Variants in TCHHL1 observed in about 807,000 individuals in gnomAD.
TCHHL1 encodes the protein trichohyalin like 1, also known as trichohyalin-like protein 1.
In TCHHL1, 1 loss-of-function variant was observed where a neutral mutation model predicts 3.5. That is an observed-to-expected ratio of 0.29 (90% CI 0.10 to 1.36). The LOEUF is 1.36. Ranked by LOEUF, TCHHL1 falls within the 40% of genes most tolerant of loss-of-function variation. TCHHL1 has a pLI of 0.43. For synonymous variants in TCHHL1, 405 were observed against 375.3 expected, an observed-to-expected ratio of 1.08 and a Z score of -0.92; for missense variants, 1,027 against 1,032.8, an observed-to-expected ratio of 0.99 and a Z score of 0.08.
chr1:152,086,126 G>A lies in TCHHL1; in HGVS notation c.1556C>T (p.Thr519Ile). The change falls in exon 3 of 3, where the codon ACT (threonine) becomes ATT (isoleucine). Residue 519 changes from threonine to isoleucine, a missense_variant. By Grantham distance (89) the Thr-to-Ile change is moderately conservative. This residue lies in a region of TCHHL1 where 673 missense variants were observed against 658.6 expected (regional missense o/e 1.02). Transcript: ENST00000368806. ...SVGENTRVTK[T>I]HDQPVEEEDG... ...CTCCTCCTCAACTGGTTGGTCATGA[G>A]TCTTGGTGACCCTAGTATTTTCTCC... 3 of 1,614,220 alleles carry A rather than the reference G, an allele frequency of 1.9e-6. No individual in the cohort carries two copies. Among genetic ancestry groups the A allele is most frequent in the Non-Finnish European group, 2.5e-6 (3 of 1,180,042 alleles).
chr1:152,087,156 T>C lies in TCHHL1; in HGVS notation c.526A>G (p.Asn176Asp), dbSNP rs772308781. Reference protein sequence around the residue: ...HNFPGEASEHNDPKNKHLEGD... With the variant: ...HNFPGEASEHDDPKNKHLEGD... ...TCCAGGTGTTTGTTCTTAGGATCAT[T>C]GTGTTCAGATGCTTCTCCTGGAAAG... Residue 176 changes from asparagine (N) to aspartate (D), a missense_variant, in exon 3 of 3, where the codon AAT (asparagine) becomes GAT (aspartate). This residue lies in a region of TCHHL1 where 338 missense variants were observed against 335.9 expected (regional missense o/e 1.01). Transcript: ENST00000368806. The C allele has an allele frequency of 6.2e-6, 10 of 1,614,226 alleles. No homozygotes were observed. The highest frequency in any genetic ancestry group is 8.5e-6 in the Non-Finnish European group (10 of 1,180,034).
rs558301352 is a variant in TCHHL1 at position 152,087,357 on chromosome 1, C to A, written c.325G>T (p.Asp109Tyr). 7 of 1,613,662 alleles carry A rather than the reference C, an allele frequency of 4.3e-6. No individual in the cohort carries two copies. Among genetic ancestry groups the A allele is most frequent in the African/African-American group, 2.7e-5 (2 of 74,904 alleles). The change falls in exon 3 of 3, where the codon GAT becomes TAT. Residue 109 changes from aspartate (D) to tyrosine (Y), a missense_variant. By Grantham distance (160) the Asp-to-Tyr change is radical. Coordinates refer to ENST00000368806, the MANE Select transcript of TCHHL1 (RefSeq NM_001008536.2). ...VTKPEKEKLD[D>Y]VDVQATTGDG... ...CCGGTGGTTGCCTGAACATCCACAT[C>A]ATCTAGCTTCTCCTTCTCTGGTTTA...
chr1:152,086,297 G>A lies in TCHHL1; in HGVS notation c.1385C>T (p.Thr462Ile). 1 of 1,614,194 alleles carries A rather than the reference G, an allele frequency of 6.2e-7. No homozygotes were observed. Among genetic ancestry groups the A allele is most frequent in the Middle Eastern group, 1.6e-4 (1 of 6,062 alleles). Residue 462 changes from threonine to isoleucine, a missense_variant, in exon 3 of 3, where the codon ACA becomes ATA. By Grantham distance (89) the Thr-to-Ile change is moderately conservative. Coordinates refer to ENST00000368806, the MANE Select transcript of TCHHL1 (RefSeq NM_001008536.2). The part of the protein sequence containing the change: ...GDQTHPELEG[T>I]AVSGEEAEHT... The stretch of plus-strand genomic sequence containing the variant: ...TTCTGCCTCTTCTCCTGAGACTGCT[G>A]TTCCTTCAAGTTCAGGGTGAGTCTG...
At position 152,088,072 on chromosome 1, in the gene TCHHL1, G is replaced by GT. The variant is rs1557802500; in HGVS notation, c.71dup (p.Asn24LysfsTer40). Reference sequence around the variant, plus strand: ...GCTCTCTGCCAGTCAGTGTTGCCCCGTTACTGTCCTCACTGGCATATTTGT... The same window carrying GT: ...GCTCTCTGCCAGTCAGTGTTGCCCCGTTTACTGTCCTCACTGGCATATTTGT... On this transcript the variant is annotated frameshift_variant, in exon 2 of 3. Transcript: ENST00000368806. LOFTEE classifies it high-confidence loss of function. 1.2e-6 allele frequency: 2 copies of GT among 1,611,404 alleles called. No individual in the cohort carries two copies. Among genetic ancestry groups the GT allele is most frequent in the African/African-American group, 2.7e-5 (2 of 74,920 alleles).
In TCHHL1 at chr1:152,084,888, A is replaced by C; in HGVS notation, c.*79T>G. The C allele has an allele frequency of 7.1e-7, 1 of 1,402,596 alleles. No homozygotes were observed. Among genetic ancestry groups the C allele is most frequent in the Non-Finnish European group, 9.7e-7 (1 of 1,030,148 alleles). The allele number at this position is 1,402,596 out of a possible 1,614,324, so 86.9% of individuals were successfully genotyped here. The stretch of plus-strand genomic sequence containing the variant: ...TAGGAAGAGAATTTAAAAGATTGTT[A>C]ATCTGCATCTGAATGTGTACACGTG... On this transcript the variant is annotated 3_prime_UTR_variant, in exon 3 of 3. Coordinates refer to ENST00000368806, the MANE Select transcript of TCHHL1 (RefSeq NM_001008536.2).
In TCHHL1 at chr1:152,085,014, T is replaced by C; in HGVS notation, c.2668A>G (p.Arg890Gly). ...ALEDKQGHPQ[R>G]ERLVLQREAS... ...TCCCTTTGTAGTACCAGCCTCTCTC[T>C]CTGAGGGTGACCTTGCTTATCTTCC... Residue 890 changes from arginine (R) to glycine (G), a missense_variant, in exon 3 of 3, where the codon AGA (arginine) becomes GGA (glycine). By Grantham distance (125) the Arg-to-Gly change is moderately radical (BLOSUM62 -2). Coordinates refer to ENST00000368806, the MANE Select transcript of TCHHL1 (RefSeq NM_001008536.2). 2 of 1,614,106 alleles carry C rather than the reference T, an allele frequency of 1.2e-6. No homozygotes were observed. Among genetic ancestry groups the C allele is most frequent in the Non-Finnish European group, 1.7e-6 (2 of 1,180,008 alleles).
chr1:152,087,287 C>G lies in TCHHL1; in HGVS notation c.395G>C (p.Arg132Thr). ...TGATGCCATTCCTGAAGGAAGCATC[C>G]TCTTTTCTTGAGTTGGTGAAGTTCC... ...TVGTSPTQEK[R>T]MLPSGMASSS... The change falls in exon 3 of 3, where the codon AGG becomes ACG. Residue 132 changes from arginine to threonine, a missense_variant. This residue lies in a region of TCHHL1 where 338 missense variants were observed against 335.9 expected (regional missense o/e 1.01). Transcript: ENST00000368806. The G allele has an allele frequency of 6.2e-7, 1 of 1,614,058 alleles. No individual in the cohort carries two copies. The highest frequency in any genetic ancestry group is 1.3e-5 in the African/African-American group (1 of 75,002).
In TCHHL1 at chr1:152,085,748, G is replaced by T. The variant is rs199816622; in HGVS notation, c.1934C>A (p.Ala645Glu). 2 of 1,614,074 alleles carry T rather than the reference G, an allele frequency of 1.2e-6. No individual in the cohort carries two copies. Among genetic ancestry groups the T allele is most frequent in the East Asian group, 2.2e-5 (1 of 44,892 alleles). The change falls in exon 3 of 3, where the codon GCA becomes GAA. Residue 645 changes from alanine to glutamate, a missense_variant. Transcript: ENST00000368806. ...NQGPGTKGPG[A>E]AVEPNGHPEA... ...TGGGTGTCCATTGGGCTCCACAGCT[G>T]CACCTGGGCCTTTGGTCCCTGGGCC...
At position 152,087,423 on chromosome 1, in the gene TCHHL1, C is replaced by A. The variant is rs1359090917; in HGVS notation, c.259G>T (p.Asp87Tyr). ...IFNLLNLCYLDIKSLLSSELR... is the reference protein window; with the variant it reads ...IFNLLNLCYLYIKSLLSSELR... ...TCAGAACTTAGTAATGATTTTATGT[C>A]AAGATAACAGAGGTTCAACAAGTTG... The change falls in exon 3 of 3, where the codon GAC becomes TAC. Residue 87 changes from aspartate to tyrosine, a missense_variant. Transcript: ENST00000368806. 1 of 1,611,188 alleles carries A rather than the reference C, an allele frequency of 6.2e-7. No homozygotes were observed. Among genetic ancestry groups the A allele is most frequent in the Non-Finnish European group, 8.5e-7 (1 of 1,179,986 alleles).
In TCHHL1 at chr1:152,085,828, A is replaced by C. The variant is rs888955730; in HGVS notation, c.1854T>G (p.Asp618Glu). Reference protein sequence around the residue: ...EAVVPAVRGEDVQLTEDQEQP... With the variant: ...EAVVPAVRGEEVQLTEDQEQP... The stretch of plus-strand genomic sequence containing the variant: ...GTTCCTGGTCCTCTGTGAGCTGTAC[A>C]TCCTCTCCTCTGACTGCTGGTACCA... The change falls in exon 3 of 3, where the codon GAT becomes GAG. Residue 618 changes from aspartate (D) to glutamate (E), a missense_variant. Asp to Glu is a conservative substitution (Grantham distance 45). Transcript: ENST00000368806. 6.2e-7 allele frequency: 1 copy of C among 1,613,912 alleles called. No individual in the cohort carries two copies. Among genetic ancestry groups the C allele is most frequent in the African/African-American group, 1.3e-5 (1 of 74,848 alleles).
At position 152,085,646 on chromosome 1, in the gene TCHHL1, T is replaced by A. The variant is rs747705881; in HGVS notation, c.2036A>T (p.Asp679Val). Residue 679 changes from aspartate (D) to valine (V), a missense_variant, in exon 3 of 3, where the codon GAC (aspartate) becomes GTC (valine). By Grantham distance (152) the Asp-to-Val change is radical. Transcript: ENST00000368806. ...EIEITGALDE[D>V]FTDQLSLMQL... is the part of the protein sequence containing the mutation. ...CATTAGGGAAAGCTGGTCAGTGAAG[T>A]CTTCATCCAGGGCACCTGTGATCTC... The A allele has an allele frequency of 1.2e-6, 2 of 1,614,168 alleles. No individual in the cohort carries two copies. Among genetic ancestry groups the A allele is most frequent in the Non-Finnish European group, 8.5e-7 (1 of 1,180,036 alleles).
intron 1 of TCHHL1, 25 bp downstream of exon 1, chr1:152,088,995 A>G (rs1469546253): frequency 6.6e-6 from 1 of 152,142 alleles, no homozygotes; most frequent in Non-Finnish European, 1.5e-5. Flanking sequence ...TGAAATCCCA[A>G]GTATGCTCAA....
rs1195160117 is a variant in TCHHL1, at chr1:152,086,639, T to G, written c.1043A>C (p.Lys348Thr). ...KDADQTPAKT[K>T]NLGEPEDYGR... ...ATAATCCTCAGGTTCACCCAAATTC[T>G]TTGTTTTAGCTGGTGTCTGGTCAGC... Residue 348 changes from lysine to threonine, a missense_variant, in exon 3 of 3, where the codon AAG (lysine) becomes ACG (threonine). Transcript: ENST00000368806. The G allele has an allele frequency of 6.2e-7, 1 of 1,614,202 alleles. No individual in the cohort carries two copies. Among genetic ancestry groups the G allele is most frequent in the Admixed American group, 1.7e-5 (1 of 60,026 alleles).
chr1:152,087,490 A>G lies in TCHHL1; in HGVS notation c.192T>C (p.Ser64=). 1.2e-6 allele frequency: 2 copies of G among 1,601,870 alleles called. No homozygotes were observed. The highest frequency in any genetic ancestry group is 1.7e-6 in the Non-Finnish European group (2 of 1,179,834). The change falls in exon 3 of 3, where the codon AGT becomes AGC. Residue 64 remains serine (S), a synonymous_variant. Transcript: ENST00000368806. ...ATTCATCAAAACTGATGATGCCATT[A>G]CTGTCAATATTCAGAAGATTTGAAT... ...EKNSNLLNID[S]NGIISFDEFV...
Position 152,085,853 on chromosome 1 carries a change from A to T in TCHHL1, c.1829T>A (p.Val610Glu), listed in dbSNP as rs767302326. The change falls in exon 3 of 3, where the codon GTG (valine) becomes GAG (glutamate). Residue 610 changes from valine to glutamate, a missense_variant. Physicochemically the swap from Val to Glu is moderately radical, Grantham distance 121 (BLOSUM62 -2). This residue lies in a region of TCHHL1 where 673 missense variants were observed against 658.6 expected (regional missense o/e 1.02). Transcript: ENST00000368806. ...PGEKNRALEA[V>E]VPAVRGEDVQ... ...ATCCTCTCCTCTGACTGCTGGTACCACTGCCTCCAGAGCTCTGTTTTTCTC... is the reference window on the plus strand; with the variant it reads ...ATCCTCTCCTCTGACTGCTGGTACCTCTGCCTCCAGAGCTCTGTTTTTCTC... The T allele has an allele frequency of 4.3e-6, 7 of 1,613,886 alleles. No homozygotes were observed. In the Admixed American group the frequency reaches 1.2e-4, roughly 27 times the overall value.
Position 152,086,136 on chromosome 1 carries a change from C to A in TCHHL1, c.1546G>T (p.Val516Phe), listed in dbSNP as rs764606720. The change falls in exon 3 of 3, where the codon GTC (valine) becomes TTC (phenylalanine). Residue 516 changes from valine (V) to phenylalanine (F), a missense_variant. By Grantham distance (50) the Val-to-Phe change is conservative. Coordinates refer to ENST00000368806, the MANE Select transcript of TCHHL1 (RefSeq NM_001008536.2). Reference protein sequence around the residue: ...EKQSVGENTRVTKTHDQPVEE... With the variant: ...EKQSVGENTRFTKTHDQPVEE... ...ACTGGTTGGTCATGAGTCTTGGTGA[C>A]CCTAGTATTTTCTCCTACAGACTGC... 1.2e-6 allele frequency: 2 copies of A among 1,614,058 alleles called. No homozygotes were observed. The highest frequency in any genetic ancestry group is 3.3e-5 in the Admixed American group (2 of 59,996).
Position 152,084,696 on chromosome 1 carries a change from T to A in TCHHL1, c.*271A>T. On this transcript the variant is annotated 3_prime_UTR_variant, in exon 3 of 3. Transcript: ENST00000368806. ...AGATATGGAAGGAATTTTTCCATTTTTAATGACAGGTACATTGAGATAAAC... is the reference window on the plus strand; with the variant it reads ...AGATATGGAAGGAATTTTTCCATTTATAATGACAGGTACATTGAGATAAAC... The A allele has an allele frequency of 3.0e-6, 1 of 338,740 alleles. No homozygotes were observed. The highest frequency in any genetic ancestry group is 5.3e-6 in the Non-Finnish European group (1 of 187,096). The allele number at this position is 338,740 out of a possible 1,614,324, so 21.0% of individuals were successfully genotyped here.
In TCHHL1 at chr1:152,087,221, T is replaced by C. The variant is rs1176732409; in HGVS notation, c.461A>G (p.Asn154Ser). 3.7e-6 allele frequency: 6 copies of C among 1,614,150 alleles called. No homozygotes were observed. The South Asian group carries it at 4.4e-5, about 12-fold the overall frequency. Residue 154 changes from asparagine (N) to serine (S), a missense_variant, in exon 3 of 3, where the codon AAT becomes AGT. Physicochemically the swap from Asn to Ser is conservative, Grantham distance 46 (BLOSUM62 1). Coordinates refer to ENST00000368806, the MANE Select transcript of TCHHL1 (RefSeq NM_001008536.2). ...TTCTCTCCATGGGTCCACTCTGTTATTTCCAACTGCTCCACTTTCTTCAGG... is the reference window on the plus strand; with the variant it reads ...TTCTCTCCATGGGTCCACTCTGTTACTTCCAACTGCTCCACTTTCTTCAGG... ...LIPEESGAVG[N>S]NRVDPWREAK... is the part of the protein sequence containing the mutation.
chr1:152,087,230 G>T lies in TCHHL1; in HGVS notation c.452C>A (p.Ala151Glu), dbSNP rs748658764. Residue 151 changes from alanine (A) to glutamate (E), a missense_variant, in exon 3 of 3, where the codon GCA becomes GAA. Around this residue, in one of 3 missense-constraint regions of TCHHL1, gnomAD observed 338 missense variants for 335.9 expected, o/e 1.01. Coordinates refer to ENST00000368806, the MANE Select transcript of TCHHL1 (RefSeq NM_001008536.2). The part of the protein sequence containing the change: ...SSQLIPEESG[A>E]VGNNRVDPWR... ...TGGGTCCACTCTGTTATTTCCAACT[G>T]CTCCACTTTCTTCAGGGATGAGCTG... 6.2e-7 allele frequency: 1 copy of T among 1,614,038 alleles called. No homozygotes were observed. Among genetic ancestry groups the T allele is most frequent in the East Asian group, 2.2e-5 (1 of 44,874 alleles).
Sources: gnomAD v4.1 joint callset for allele counts on GRCh38, gnomAD v4.1.1 for gene constraint, gnomAD v4.1.1 regional missense constraint, MANE v1.5 for transcripts, NCBI Gene and HGNC (gene_info 2026-07-23, HGNC 2026-07-21) for gene names.